Variants in GRIA3 observed in about 807,000 individuals in gnomAD.
The protein encoded by GRIA3 is glutamate receptor 3.
GRIA3 carries 3 observed loss-of-function variants against 63.0 expected under a neutral mutation model. The ratio of observed to expected loss-of-function variants is 0.05; its 90% CI spans 0.02 to 0.12. GRIA3 has a LOEUF of 0.12. GRIA3 is among the 10% of genes least tolerant of loss of function. GRIA3 has a pLI of 1.00. For synonymous variants in GRIA3, 274 were observed against 257.9 expected (o/e 1.06, Z -0.60); for missense variants, 347 against 700.9 (o/e 0.50, Z 5.70).
intron 12 of GRIA3, among the ~76,000 whole-genome samples, chrX:123,443,684 T>G (rs916796226): frequency 9.0e-6 from 1 of 111,329 alleles, no homozygotes; most frequent in African/African-American, 3.3e-5. Flanking sequence ...TTAGTGTCTG[T>G]ACAGAGGCTT....
chrX:123,259,028 G>A (rs113141888), intron 3 of GRIA3, among the ~76,000 whole-genome samples: 2,831 of 112,059 alleles, frequency 0.025, 83 homozygotes, highest in African/African-American at 0.085. Context: ...CTGAAAGAGT[G>A]ACTTATCTAA....
intron 3 of GRIA3, among the ~76,000 whole-genome samples, chrX:123,288,437 G>A (rs927693583): frequency 2.7e-5 from 3 of 112,328 alleles, no homozygotes; most frequent in Non-Finnish European, 3.8e-5. Context: ...AAACTAAAGA[G>A]CTTCTGCACA....
intron 3 of GRIA3, among the ~76,000 whole-genome samples, chrX:123,304,877 C>G (rs2044745519): frequency 8.9e-6 from 1 of 111,932 alleles, no homozygotes; most frequent in Non-Finnish European, 1.9e-5. Context: ...GATTATTTTA[C>G]TTATTGTCAG....
chrX:123,349,973 C>T (rs2045082873), intron 4 of GRIA3, among the ~76,000 whole-genome samples: 1 of 110,223 alleles, frequency 9.1e-6, no homozygotes, highest in Non-Finnish European at 1.9e-5. Context: ...CCAACATAGC[C>T]AAATGTAAAT....
At chrX:123,386,485 G>A (rs1391757996) in intron 5 of GRIA3, among the ~76,000 whole-genome samples, 1 of 111,149 alleles carries the variant, frequency 9.0e-6, no homozygotes, top group Non-Finnish European at 1.9e-5. Context: ...GTCTGTTTTT[G>A]TTTTTGTTGC....
At chrX:123,246,528 C>T (rs1414918325) in intron 2 of GRIA3, among the ~76,000 whole-genome samples, 1 of 111,826 alleles carries the variant, frequency 8.9e-6, no homozygotes, top group African/African-American at 3.3e-5. Flanking sequence ...GATACCGACT[C>T]TCATTTTGCC....
At chrX:123,372,740 G>T (rs2045255328) in intron 5 of GRIA3, among the ~76,000 whole-genome samples, 1 of 111,362 alleles carries the variant, frequency 9.0e-6, no homozygotes, top group Admixed American at 9.6e-5. Context: ...CAACTTTCTT[G>T]AATTCGTTTA....
At chrX:123,459,451 C>CATG (rs1238294126) in intron 12 of GRIA3, among the ~76,000 whole-genome samples, 1 of 111,899 alleles carries the variant, frequency 8.9e-6, no homozygotes, top group Non-Finnish European at 1.9e-5. Flanking sequence ...ATTTGACCTT[C>CATG]ATGATGTATT....
chrX:123,459,979 G>A (rs1247357007), intron 12 of GRIA3, among the ~76,000 whole-genome samples: 1 of 110,924 alleles, frequency 9.0e-6, no homozygotes, highest in Non-Finnish European at 1.9e-5. Flanking sequence ...TAATCTTTTT[G>A]AGAATTCAGT....
chrX:123,202,514 C>T, intron 2 of GRIA3: 1 of 691,747 alleles, frequency 1.4e-6, no homozygotes, highest in Middle Eastern at 4.9e-4. Flanking sequence ...GCCACTGTGG[C>T]CTGGACAGTG....
intron 12 of GRIA3, among the ~76,000 whole-genome samples, chrX:123,461,100 T>C (rs1173703940): frequency 8.9e-6 from 1 of 112,365 alleles, no homozygotes. Flanking sequence ...AAGATAGTGC[T>C]GGTAGCCATT....
chrX:123,373,169 T>C (rs1391014841), intron 5 of GRIA3, among the ~76,000 whole-genome samples: 1 of 110,737 alleles, frequency 9.0e-6, no homozygotes, highest in Non-Finnish European at 1.9e-5. Flanking sequence ...TCCAGCTTCA[T>C]CCATGTCCCT....
At chrX:123,462,510 G>T (rs1200843361) in intron 12 of GRIA3, among the ~76,000 whole-genome samples, 1 of 111,983 alleles carries the variant, frequency 8.9e-6, no homozygotes, top group African/African-American at 3.3e-5. Context: ...CTTCCATGAG[G>T]GTCTGATTGC....
intron 2 of GRIA3, among the ~76,000 whole-genome samples, chrX:123,250,240 T>C (rs1249013335): frequency 1.8e-5 from 2 of 111,478 alleles, no homozygotes; most frequent in African/African-American, 3.3e-5. Flanking sequence ...GTAATGGCTT[T>C]ATAGGTGTTC....
At chrX:123,428,257 G>C in intron 12 of GRIA3, 118 bp downstream of exon 12, 2 of 552,201 alleles carry the variant, frequency 3.6e-6, no homozygotes, top group East Asian at 3.5e-5. Flanking sequence ...TATCAAAGGA[G>C]AGCATCTTAA....
chrX:123,394,862 A>G, intron 5 of GRIA3, 106 bp from the exon 6 acceptor site: 1 of 584,234 alleles, frequency 1.7e-6, no homozygotes, highest in Non-Finnish European at 3.0e-6. Flanking sequence ...TTGCTAATAA[A>G]TGATCCTAGG....
chrX:123,226,172 T>C (rs1487296027), intron 2 of GRIA3, among the ~76,000 whole-genome samples: 1 of 111,514 alleles, frequency 9.0e-6, no homozygotes, highest in African/African-American at 3.3e-5. Flanking sequence ...AGTGTTATCA[T>C]CACCATCATT....
intron 4 of GRIA3, among the ~76,000 whole-genome samples, chrX:123,340,807 A>C (rs1407538440): frequency 8.9e-6 from 1 of 111,893 alleles, no homozygotes; most frequent in African/African-American, 3.3e-5. Context: ...GACTTGTAGA[A>C]ATGACTATTC....
At chrX:123,227,786 C>A (rs770810916) in intron 2 of GRIA3, among the ~76,000 whole-genome samples, 29 of 112,235 alleles carry the variant, frequency 2.6e-4, no homozygotes, top group African/African-American at 9.4e-4. Context: ...TTGAATAGTT[C>A]AAGTATTGAG....
Sources: allele counts gnomAD v4.1 joint callset (sites outside exome capture counted in the v4.1 genomes callset), GRCh38; gene constraint gnomAD v4.1.1; transcripts MANE v1.5; gene names NCBI Gene and HGNC (gene_info 2026-07-23, HGNC 2026-07-21).